Variants in NRDC observed in about 807,000 individuals in gnomAD.
NRDC encodes nardilysin.
Under a neutral mutation model 147.1 loss-of-function variants are expected in NRDC, and 54 were observed. That is an observed-to-expected ratio of 0.37 (90% CI 0.29 to 0.46). The LOEUF (loss-of-function observed/expected upper bound fraction) is 0.46. Among genes scored for constraint, NRDC ranks in the 20% least tolerant of loss-of-function variants. NRDC has a pLI of 1.00. For synonymous variants in NRDC, 440 were observed against 482.1 expected (o/e 0.91, Z 1.14); for missense variants, 1,082 against 1,370.6 (o/e 0.79, Z 3.33).
At chr1:51,794,352 G>T in intron 24 of NRDC, 120 bp downstream of exon 24, 1 of 968,310 alleles carries the variant, frequency 1.0e-6, no homozygotes, top group Non-Finnish European at 1.6e-6. Flanking sequence ...GTTGCTTCAA[G>T]AGGACAAATG....
At position 51,837,751 on chromosome 1, in the gene NRDC, C is replaced by T. The variant is rs906708820; in HGVS notation, c.631-1539G>A. 4.7e-6 allele frequency: 3 copies of T among 643,568 alleles called. No individual in the cohort carries two copies. In the Admixed American group the frequency reaches 1.3e-4, roughly 27 times the overall value. The allele number at this position is 643,568 out of a possible 1,614,324, so 39.9% of individuals were successfully genotyped here. On this transcript the variant is annotated intron_variant, in intron 2 of 30. Coordinates refer to ENST00000352171, the MANE Select transcript of NRDC (RefSeq NM_001101662.2). ...AATGTATATCATATTCAAATTTCAA[C>T]CTTGTTAATTTATCAAACTTTTAAA...
chr1:51,829,730 C>T (rs887650294), intron 4 of NRDC, among the ~76,000 whole-genome samples: 1 of 151,980 alleles, frequency 6.6e-6, no homozygotes, highest in African/African-American at 2.4e-5. Context: ...GTGCTATATG[C>T]TATATTTGGG....
intron 4 of NRDC, among the ~76,000 whole-genome samples, chr1:51,829,381 A>G (rs1468258103): frequency 6.6e-6 from 1 of 152,260 alleles, no homozygotes. Flanking sequence ...TATTTAGTGT[A>G]CAATTTATGA....
chr1:51,864,949 TAAAA>T (rs76818656), intron 1 of NRDC, among the ~76,000 whole-genome samples: 1 of 133,846 alleles, frequency 7.5e-6, no homozygotes. Flanking sequence ...GACCTGGTCT[TAAAA>T]AAAAAAAAAA....
Position 51,806,928 on chromosome 1 carries a change from T to C in NRDC, c.1991-15A>G, listed in dbSNP as rs757805797. 31 of 1,609,960 alleles carry C rather than the reference T, an allele frequency of 1.9e-5. No individual in the cohort carries two copies. The highest frequency in any genetic ancestry group is 2.6e-5 in the Non-Finnish European group (31 of 1,178,720). ...AAAGTCCGTGGCTAATAAAAGAAGATAATAATAATTCACTCAAGTATTTCA... is the reference window on the plus strand; with the variant it reads ...AAAGTCCGTGGCTAATAAAAGAAGACAATAATAATTCACTCAAGTATTTCA... On this transcript the variant is annotated splice_polypyrimidine_tract_variant and intron_variant, in intron 17 of 30. Coordinates refer to ENST00000352171, the MANE Select transcript of NRDC (RefSeq NM_001101662.2).
intron 19 of NRDC, 93 bp downstream of exon 19, chr1:51,805,417 G>T: frequency 4.1e-6 from 4 of 979,202 alleles, no homozygotes; most frequent in Non-Finnish European, 4.6e-6. Flanking sequence ...CTCAAATATG[G>T]ATAGAGAAAA....
At chr1:51,800,725 C>T in intron 20 of NRDC, 42 bp from the exon 21 acceptor site, 1 of 1,602,612 alleles carries the variant, frequency 6.2e-7, no homozygotes, top group Non-Finnish European at 8.5e-7. Flanking sequence ...GCATGGAAAT[C>T]CACTAGGTAT....
intron 2 of NRDC, among the ~76,000 whole-genome samples, chr1:51,836,593 T>C (rs1024452722): frequency 3.9e-5 from 6 of 152,232 alleles, no homozygotes; most frequent in African/African-American, 1.4e-4. Flanking sequence ...CATATCTAGA[T>C]AGATATCTCT....
chr1:51,852,039 G>C (rs1274219629), intron 1 of NRDC, among the ~76,000 whole-genome samples: 1 of 152,136 alleles, frequency 6.6e-6, no homozygotes, highest in African/African-American at 2.4e-5. Context: ...TTTTTGGTAT[G>C]CTTTTTGGTA....
In NRDC at chr1:51,846,758, G is replaced by GA. The variant is rs1189386026; in HGVS notation, c.342-6245_342-6244insT. Among the ~76,000 whole-genome samples, 3 of 152,364 alleles carry GA rather than the reference G, an allele frequency of 2.0e-5. No individual in the cohort carries two copies. In the East Asian group the frequency reaches 5.8e-4, roughly 29 times the overall value. Reference sequence around the variant, plus strand: ...AAGTGGGTTATCACCCCAGGAGCCTGCAGCCTGCTTTTATTCTTATCTGGC... The same window carrying GA: ...AAGTGGGTTATCACCCCAGGAGCCTGACAGCCTGCTTTTATTCTTATCTGGC... On this transcript the variant is annotated intron_variant, in intron 1 of 30. Coordinates refer to ENST00000352171, the MANE Select transcript of NRDC (RefSeq NM_001101662.2).
At chr1:51,859,174 G>C (rs773358533) in intron 1 of NRDC, among the ~76,000 whole-genome samples, 5 of 152,156 alleles carry the variant, frequency 3.3e-5, no homozygotes, top group Non-Finnish European at 5.9e-5. Flanking sequence ...ATGATAGTCT[G>C]AATGGGGAAA....
chr1:51,798,142 T>C, intron 22 of NRDC, 107 bp downstream of exon 22: 2 of 1,134,230 alleles, frequency 1.8e-6, no homozygotes, highest in Non-Finnish European at 2.6e-6. Context: ...CAGAATATGA[T>C]AATGCTGGCC....
chr1:51,791,154 T>G (rs189078750), intron 27 of NRDC, among the ~76,000 whole-genome samples, 164 bp from the exon 28 acceptor site: 1 of 152,186 alleles, frequency 6.6e-6, no homozygotes, highest in Non-Finnish European at 1.5e-5. Context: ...CACCTGACTT[T>G]GAGGACAGAA....
intron 1 of NRDC, among the ~76,000 whole-genome samples, chr1:51,865,934 C>G (rs539373690): frequency 6.6e-6 from 1 of 151,338 alleles, no homozygotes; most frequent in Admixed American, 6.6e-5. Context: ...TGGCAGGCAC[C>G]TGTAGTTTCA....
intron 1 of NRDC, among the ~76,000 whole-genome samples, chr1:51,850,801 C>A (rs182910434): frequency 2.0e-5 from 3 of 152,162 alleles, no homozygotes; most frequent in Admixed American, 6.5e-5. Flanking sequence ...AAAACTGTTA[C>A]CTGCAAATCA....
rs756376511 is a variant in NRDC, at chr1:51,840,439, A to T, written c.417T>A (p.Asn139Lys). ...DLSNMEGKTGNTTDDEEEEEV... is the reference protein window; with the variant it reads ...DLSNMEGKTGKTTDDEEEEEV... ...CCTCTTCTTCTTCATCATCTGTTGT[A>T]TTTCCTGTTTTACCTTCCATATTAC... Residue 139 changes from asparagine to lysine, a missense_variant, in exon 2 of 31, where the codon AAT becomes AAA. Around this residue, in one of 3 missense-constraint regions of NRDC, gnomAD observed 260 missense variants for 253.2 expected, o/e 1.03. Transcript: ENST00000352171. 2.5e-6 allele frequency: 4 copies of T among 1,611,004 alleles called. No homozygotes were observed. The South Asian group carries it at 4.4e-5, about 18-fold the overall frequency.
intron 22 of NRDC, 104 bp from the exon 23 acceptor site, chr1:51,794,958 T>C: frequency 6.4e-7 from 1 of 1,571,552 alleles, no homozygotes. Flanking sequence ...CCTGCATAGC[T>C]TTAGGAAAGC....
At chr1:51,822,680 A>C (rs1305845302) in intron 7 of NRDC, among the ~76,000 whole-genome samples, 1 of 152,262 alleles carries the variant, frequency 6.6e-6, no homozygotes, top group Non-Finnish European at 1.5e-5. Flanking sequence ...AATTATTTGC[A>C]AACACAATAA....
intron 4 of NRDC, among the ~76,000 whole-genome samples, chr1:51,832,710 G>A (rs1260886688): frequency 6.6e-6 from 1 of 151,480 alleles, no homozygotes. Context: ...CAAACTTTCT[G>A]GAAAACAATT....
Sources: allele counts gnomAD v4.1 joint callset (sites outside exome capture counted in the v4.1 genomes callset), GRCh38; gene constraint gnomAD v4.1.1; regional missense constraint gnomAD v4.1.1; transcripts MANE v1.5; gene names NCBI Gene and HGNC (gene_info 2026-07-23, HGNC 2026-07-21).